UBE2K: variants seen among roughly 807,000 people sequenced by gnomAD.
The protein encoded by UBE2K is ubiquitin conjugating enzyme E2 K, also known as ubiquitin-conjugating enzyme E2 K.
Under a neutral mutation model 30.0 loss-of-function variants are expected in UBE2K, and 6 were observed. That is an observed-to-expected ratio of 0.20 (90% CI 0.11 to 0.39). The LOEUF (loss-of-function observed/expected upper bound fraction) is 0.39, where lower values mean the gene tolerates loss of function less well. Among genes scored for constraint, UBE2K ranks in the 10% least tolerant of loss-of-function variants. The pLI is 1.00. For synonymous variants in UBE2K, 86 were observed against 83.7 expected, an observed-to-expected ratio of 1.03 and a Z score of -0.15; for missense variants, 61 against 241.6, an observed-to-expected ratio of 0.25 and a Z score of 4.96.
At chr4:39,765,403 A>G (rs1359244969) in intron 4 of UBE2K, among the ~76,000 whole-genome samples, 1 of 152,022 alleles carries the variant, frequency 6.6e-6, no homozygotes, top group Non-Finnish European at 1.5e-5. Flanking sequence ...GTGAGTCTGT[A>G]GTCCCAGCTA....
In UBE2K at chr4:39,779,042, A is replaced by ACT. The variant is rs1713442015; in HGVS notation, c.*609_*610insTC. 1 of 128,224 alleles carries ACT rather than the reference A, an allele frequency of 7.8e-6. No individual in the cohort carries two copies. Among genetic ancestry groups the ACT allele is most frequent in the Non-Finnish European group, 1.6e-5 (1 of 62,680 alleles). 7.9% of individuals were successfully genotyped at this position (128,224 alleles called of 1,614,324 possible). ...TGGGACAGTGTCTGATTCCCCCTTC[A>ACT]CCCCCCCCACCCCCGCCTTGCCACA... On this transcript the variant is annotated 3_prime_UTR_variant, in exon 7 of 7. Transcript: ENST00000261427.
chr4:39,768,665 A>C (rs1712518501), intron 4 of UBE2K, among the ~76,000 whole-genome samples: 1 of 152,040 alleles, frequency 6.6e-6, no homozygotes, highest in Non-Finnish European at 1.5e-5. Flanking sequence ...TACAGGCATG[A>C]ACCACCGTGC....
chr4:39,708,147 G>A (rs1212550905), intron 1 of UBE2K, among the ~76,000 whole-genome samples: 1 of 152,046 alleles, frequency 6.6e-6, no homozygotes, highest in African/African-American at 2.4e-5. Flanking sequence ...TGATCTGCCA[G>A]CCTTGGCCTC....
At chr4:39,725,026 T>G (rs980674581) in intron 1 of UBE2K, among the ~76,000 whole-genome samples, 38 of 152,146 alleles carry the variant, frequency 2.5e-4, no homozygotes, top group South Asian at 6.2e-4. Context: ...TTTTTTAGTT[T>G]TTTAATTCCT....
chr4:39,777,842 T>C (rs370671269), intron 6 of UBE2K, 32 bp downstream of exon 6: 1 of 1,371,370 alleles, frequency 7.3e-7, no homozygotes, highest in East Asian at 2.8e-5. Context: ...GATTTTGATA[T>C]ATTGATTGAT....
chr4:39,745,741 C>A lies in UBE2K; in HGVS notation c.158-11C>A. 1 of 1,592,114 alleles carries A rather than the reference C, an allele frequency of 6.3e-7. No homozygotes were observed. The highest frequency in any genetic ancestry group is 8.6e-7 in the Non-Finnish European group (1 of 1,164,224). On this transcript the variant is annotated splice_polypyrimidine_tract_variant and intron_variant, in intron 2 of 6. Transcript: ENST00000261427. ...GCAGCATTCTTAACTTTGTTTTCCC[C>A]ATTTTTTTAGGAGGAAGATACCAAC...
At chr4:39,775,978 A>G (rs998067655) in intron 5 of UBE2K, among the ~76,000 whole-genome samples, 9 of 152,098 alleles carry the variant, frequency 5.9e-5, no homozygotes, top group African/African-American at 2.2e-4. Flanking sequence ...TTCTGTACAC[A>G]CTCACACTTG....
chr4:39,743,360 T>C (rs1213150960), intron 2 of UBE2K, among the ~76,000 whole-genome samples: 1 of 152,192 alleles, frequency 6.6e-6, no homozygotes, highest in African/African-American at 2.4e-5. Flanking sequence ...TCCCAGCTCT[T>C]TGGGAGGCCG....
chr4:39,763,201 C>A (rs1712083860), intron 4 of UBE2K, among the ~76,000 whole-genome samples: 1 of 151,996 alleles, frequency 6.6e-6, no homozygotes, highest in Non-Finnish European at 1.5e-5. Flanking sequence ...CCTTGGCCTC[C>A]CAAATTGCTG....
chr4:39,751,316 T>G (rs1721240492), intron 3 of UBE2K, among the ~76,000 whole-genome samples: 1 of 152,176 alleles, frequency 6.6e-6, no homozygotes, highest in Admixed American at 6.5e-5. Flanking sequence ...TTTAATTGGG[T>G]CTTGGCTTTT....
At chr4:39,775,466 C>T (rs1186565907) in intron 5 of UBE2K, among the ~76,000 whole-genome samples, 2 of 152,170 alleles carry the variant, frequency 1.3e-5, no homozygotes, top group African/African-American at 4.8e-5. Context: ...AAACAGTTTG[C>T]TGGCCAGGTG....
intron 4 of UBE2K, among the ~76,000 whole-genome samples, chr4:39,768,490 C>G (rs1486558185): frequency 1.4e-5 from 2 of 147,132 alleles, no homozygotes; most frequent in African/African-American, 2.5e-5. Context: ...AGTAGAAAGA[C>G]AAGAATGAAC....
intron 1 of UBE2K, chr4:39,713,799 C>A (rs1283460825): frequency 1.3e-5 from 2 of 150,926 alleles, no homozygotes; most frequent in Non-Finnish European, 3.0e-5. Context: ...TTATTTGTCC[C>A]TTTAAAAAAA....
At chr4:39,766,681 G>C (rs551949101) in intron 4 of UBE2K, among the ~76,000 whole-genome samples, 4 of 152,090 alleles carry the variant, frequency 2.6e-5, no homozygotes, top group Non-Finnish European at 5.9e-5. Flanking sequence ...AAGTAGCTGG[G>C]ACTACAGGTG....
intron 1 of UBE2K, among the ~76,000 whole-genome samples, chr4:39,711,014 T>C (rs1315345287): frequency 6.6e-6 from 1 of 151,940 alleles, no homozygotes; most frequent in Non-Finnish European, 1.5e-5. Flanking sequence ...GTGAAGTTAG[T>C]GTATATCCTT....
At chr4:39,773,898 G>C (rs1441512822) in intron 4 of UBE2K, among the ~76,000 whole-genome samples, 1 of 152,084 alleles carries the variant, frequency 6.6e-6, no homozygotes, top group African/African-American at 2.4e-5. Context: ...TCCAGCCTGG[G>C]CGACAGAGTG....
chr4:39,716,752 C>T (rs551068170), intron 1 of UBE2K, among the ~76,000 whole-genome samples: 3 of 152,182 alleles, frequency 2.0e-5, no homozygotes, highest in Admixed American at 6.5e-5. Flanking sequence ...AATCCTAGCA[C>T]TTTAGGAGGC....
intron 4 of UBE2K, among the ~76,000 whole-genome samples, chr4:39,759,760 C>T (rs1411013351): frequency 6.6e-6 from 1 of 152,218 alleles, no homozygotes; most frequent in East Asian, 1.9e-4. Context: ...CACAGAATAT[C>T]TGCCTGGTCG....
chr4:39,753,148 G>T (rs1029665096), intron 3 of UBE2K, among the ~76,000 whole-genome samples: 26 of 152,182 alleles, frequency 1.7e-4, no homozygotes, highest in African/African-American at 6.0e-4. Context: ...TAGTACTTTG[G>T]GAGCCTATGT....
Sources: allele counts gnomAD v4.1 joint callset (sites outside exome capture counted in the v4.1 genomes callset), GRCh38; gene constraint gnomAD v4.1.1; transcripts MANE v1.5; gene names NCBI Gene and HGNC (gene_info 2026-07-23, HGNC 2026-07-21).